STOX2: variants seen among roughly 807,000 people sequenced by gnomAD.
STOX2 encodes the protein storkhead-box protein 2.
STOX2 carries 28 observed loss-of-function variants against 60.9 expected under a neutral mutation model. The ratio of observed to expected loss-of-function variants is 0.46; its 90% confidence interval spans 0.34 to 0.63. STOX2 has a LOEUF of 0.63. Ranked by LOEUF, STOX2 falls within the 30% of genes least tolerant of loss-of-function variation. The probability of loss-of-function intolerance (pLI) is 0.01; values close to 1 mark genes in which losing one functional copy is unlikely to be tolerated. For synonymous variants in STOX2, 472 were observed against 463.9 expected (o/e 1.02, Z -0.22); for missense variants, 1,024 against 1,187.7 (o/e 0.86, Z 2.03).
intron 1 of STOX2, among the ~76,000 whole-genome samples, chr4:183,831,989 C>CTT (rs11310177): frequency 2.2e-5 from 3 of 135,814 alleles, no homozygotes; most frequent in East Asian, 4.2e-4. Flanking sequence ...TCTTCTTCTT[C>CTT]TTTTTTTTTT....
chr4:183,980,204 A>G (rs1371653231), intron 1 of STOX2, among the ~76,000 whole-genome samples: 1 of 152,144 alleles, frequency 6.6e-6, no homozygotes, highest in Non-Finnish European at 1.5e-5. Flanking sequence ...AACTTCCATG[A>G]GGTGATATAG....
At chr4:183,941,493 G>A (rs575155522) in intron 1 of STOX2, among the ~76,000 whole-genome samples, 111 of 152,268 alleles carry the variant, frequency 7.3e-4, no homozygotes, top group African/African-American at 2.4e-3. Flanking sequence ...ACTTGAACAC[G>A]GGAGGCAGAG....
Position 183,894,512 on chromosome 4 carries a change from A to G in STOX2, c.364+96457A>G, listed in dbSNP as rs557612534. Among the ~76,000 whole-genome samples the G allele has an allele frequency of 1.3e-4, 20 of 152,240 alleles. No homozygotes were observed. In the South Asian group the frequency reaches 3.9e-3, roughly 30 times the overall value. On this transcript the variant is annotated intron_variant, in intron 1 of 2. Transcript: ENST00000513034. ...GTCCTGTAATTTGCTGGAGTTAAAA[A>G]GTTATTCTTAATAGTGTCTGGGATT...
At chr4:183,957,088 G>C (rs571111295) in intron 1 of STOX2, among the ~76,000 whole-genome samples, 34 of 150,040 alleles carry the variant, frequency 2.3e-4, no homozygotes, top group Middle Eastern at 3.5e-3. Flanking sequence ...CACCAACATG[G>C]CACATGTATA....
At chr4:183,881,824 G>C (rs936067432) in intron 1 of STOX2, among the ~76,000 whole-genome samples, 12 of 152,142 alleles carry the variant, frequency 7.9e-5, no homozygotes, top group Non-Finnish European at 1.8e-4. Flanking sequence ...CATCATCTGC[G>C]TAGCTTTGGA....
In STOX2 at chr4:183,895,856, G is replaced by A. The variant is rs149028236; in HGVS notation, c.364+97801G>A. Reference sequence around the variant, plus strand: ...CATTATTAATACAATGAGGTCAGCAGGGTAATAGGAAGGGCACTGTTGTTA... The same window carrying A: ...CATTATTAATACAATGAGGTCAGCAAGGTAATAGGAAGGGCACTGTTGTTA... On this transcript the variant is annotated intron_variant, in intron 1 of 2. Coordinates refer to the STOX2 transcript ENST00000513034. 6.6e-5 allele frequency among the ~76,000 whole-genome samples: 10 copies of A among 152,276 alleles called. No individual in the cohort carries two copies. The East Asian group carries it at 1.7e-3, about 26-fold the overall frequency.
chr4:183,936,582 C>T (rs1013126887), intron 1 of STOX2, among the ~76,000 whole-genome samples: 1 of 151,924 alleles, frequency 6.6e-6, no homozygotes, highest in Non-Finnish European at 1.5e-5. Flanking sequence ...ATTCTGTAGG[C>T]AGAACTGTGT....
Position 183,809,785 on chromosome 4 carries a change from A to G in STOX2, c.364+11730A>G, listed in dbSNP as rs75909948. On this transcript the variant is annotated intron_variant, in intron 1 of 2. Transcript: ENST00000513034. ...TATGTACTTGACTTTCTAGAAGCCA[A>G]AACAGAAAAACATACAGACTTTCAA... Among the ~76,000 whole-genome samples the G allele has an allele frequency of 5.7e-3, 863 of 152,370 alleles. 8 individuals are homozygous for G. The highest frequency in any genetic ancestry group is 0.02 in the African/African-American group (819 of 41,600).
chr4:183,996,870 T>G (rs1733366903), intron 1 of STOX2, among the ~76,000 whole-genome samples: 1 of 152,308 alleles, frequency 6.6e-6, no homozygotes, highest in South Asian at 2.1e-4. Flanking sequence ...AGAAATTGCA[T>G]GGGTAAACTT....
In STOX2 at chr4:183,876,756, C is replaced by T. The variant is rs552113508; in HGVS notation, c.364+78701C>T. Among the ~76,000 whole-genome samples the T allele has an allele frequency of 2.6e-5, 4 of 152,348 alleles. No homozygotes were observed. In the East Asian group the frequency reaches 7.7e-4, roughly 29 times the overall value. On this transcript the variant is annotated intron_variant, in intron 1 of 2. Transcript: ENST00000513034. The stretch of plus-strand genomic sequence containing the variant: ...ACGGCTGCGCCTCCCACTTTCTTGT[C>T]TGCAGAGCGAGTGGGGTTGCCAGGA...
chr4:184,015,295 G>A (rs545675985), intron 3 of STOX2: 3 of 152,160 alleles, frequency 2.0e-5, no homozygotes, highest in Non-Finnish European at 4.4e-5. Flanking sequence ...CCATGCCTCA[G>A]TGGTAGCTCT....
chr4:184,017,081 T>C lies in STOX2; in HGVS notation c.2586-8T>C, dbSNP rs1383679879. The C allele has an allele frequency of 1.3e-6, 2 of 1,585,072 alleles. No individual in the cohort carries two copies. The highest frequency in any genetic ancestry group is 1.9e-5 in the Admixed American group (1 of 53,538). ...ACAAAACAAAACAAACCCTTTTTGC[T>C]CTTTTAGTACTCGGGAGAGCCTGGC... On this transcript the variant is annotated splice_polypyrimidine_tract_variant and splice_region_variant and intron_variant, in intron 3 of 3. Transcript: ENST00000308497.
At chr4:183,955,325 A>T (rs1743215464) in intron 1 of STOX2, among the ~76,000 whole-genome samples, 1 of 152,206 alleles carries the variant, frequency 6.6e-6, no homozygotes, top group East Asian at 1.9e-4. Flanking sequence ...TTACACAGCC[A>T]TTCGTTTTGT....
At chr4:183,957,603 A>G (rs1467276728) in intron 1 of STOX2, among the ~76,000 whole-genome samples, 1 of 152,178 alleles carries the variant, frequency 6.6e-6, no homozygotes, top group Admixed American at 6.5e-5. Context: ...CAGGCATGGT[A>G]TTCTATGCTG....
At chr4:183,947,926 G>A (rs1742943182) in intron 1 of STOX2, among the ~76,000 whole-genome samples, 1 of 152,124 alleles carries the variant, frequency 6.6e-6, no homozygotes, top group South Asian at 2.1e-4. Flanking sequence ...ACATTTAAGA[G>A]TAAGTAGAGG....
chr4:183,818,901 T>C (rs1739227773), intron 1 of STOX2, among the ~76,000 whole-genome samples: 1 of 149,034 alleles, frequency 6.7e-6, no homozygotes, highest in Non-Finnish European at 1.5e-5. Flanking sequence ...CGTCACTTCC[T>C]AGATGGGATG....
At chr4:183,984,436 T>C (rs1560919832) in intron 1 of STOX2, among the ~76,000 whole-genome samples, 1 of 152,200 alleles carries the variant, frequency 6.6e-6, no homozygotes, top group African/African-American at 2.4e-5. Flanking sequence ...TGAAGCTTCT[T>C]GAGGGCAGAC....
At chr4:183,893,072 A>G (rs1032462230) in intron 1 of STOX2, among the ~76,000 whole-genome samples, 1 of 151,804 alleles carries the variant, frequency 6.6e-6, no homozygotes, top group African/African-American at 2.4e-5. Flanking sequence ...AGATTTTGGA[A>G]CAAAATGTGT....
chr4:183,906,613 G>A lies in STOX2; in HGVS notation c.-178G>A. On this transcript the variant is annotated 5_prime_UTR_variant, in exon 1 of 4. It adds an upstream start codon to the 5' untranslated region. Transcript: ENST00000308497. ...AAATCGGAGCCTTCGCCGTGGGGGT[G>A]TGGGGGGGCGTGGGGAGGGCCGGAC... is the stretch of plus-strand genomic sequence containing the variant. The A allele has an allele frequency of 1.6e-6, 1 of 612,866 alleles. No individual in the cohort carries two copies. The highest frequency in any genetic ancestry group is 2.8e-6 in the Non-Finnish European group (1 of 360,756). The allele number at this position is 612,866 out of a possible 1,614,324, so 38.0% of individuals were successfully genotyped here. A position where few individuals can be genotyped will look rare whatever the true frequency, so the allele number is the denominator to read the frequency against.
Sources: gnomAD v4.1 joint callset for allele counts (sites outside exome capture counted in the v4.1 genomes callset) on GRCh38, gnomAD v4.1.1 for gene constraint, MANE v1.5 for transcripts, NCBI Gene and HGNC (gene_info 2026-07-23, HGNC 2026-07-21) for gene names.